The following RASAL2 variants were observed in gnomAD, a reference collection of about 807,000 sequenced individuals.
RASAL2 encodes the protein ras GTPase-activating protein nGAP.
Under a neutral mutation model 128.9 loss-of-function variants are expected in RASAL2, and 58 were observed. That is an observed-to-expected ratio of 0.45 (90% CI 0.36 to 0.56). The LOEUF (loss-of-function observed/expected upper bound fraction) is 0.56, where lower values mean the gene tolerates loss of function less well. Among genes scored for constraint, RASAL2 ranks in the 20% least tolerant of loss-of-function variants. The pLI is 0.00. For synonymous variants in RASAL2, 561 were observed against 580.8 expected (o/e 0.97, Z 0.49); for missense variants, 1,360 against 1,601.6 (o/e 0.85, Z 2.57).
At chr1:178,267,605 C>G (rs555638660) in intron 1 of RASAL2, among the ~76,000 whole-genome samples, 2 of 145,464 alleles carry the variant, frequency 1.4e-5, no homozygotes, top group Non-Finnish European at 3.0e-5. Context: ...TACCAGGTAA[C>G]GTATCAGATC....
chr1:178,457,501 A>G (rs1047667564), intron 13 of RASAL2, among the ~76,000 whole-genome samples, 182 bp from the exon 14 acceptor site: 1 of 152,242 alleles, frequency 6.6e-6, no homozygotes, highest in African/African-American at 2.4e-5. Flanking sequence ...GGGAAAAAGT[A>G]AAAATGCTGG....
chr1:178,373,478 C>T (rs1671834539), intron 3 of RASAL2, among the ~76,000 whole-genome samples: 1 of 151,752 alleles, frequency 6.6e-6, no homozygotes, highest in Non-Finnish European at 1.5e-5. Context: ...CCATTCCCCT[C>T]CCCTGACACA....
intron 1 of RASAL2, among the ~76,000 whole-genome samples, chr1:178,261,913 CAAA>C (rs35870834): frequency 2.4e-5 from 2 of 84,524 alleles, no homozygotes; most frequent in African/African-American, 4.8e-5. Flanking sequence ...GAGACTGTCT[CAAA>C]AAAAAAAAAA....
Position 178,417,758 on chromosome 1 carries a change from T to TAAAA in RASAL2, c.565-2734_565-2731dup, listed in dbSNP as rs35109719. Among the ~76,000 whole-genome samples the TAAAA allele has an allele frequency of 1.6e-4, 11 of 67,874 alleles. No homozygotes were observed. In the East Asian group the frequency reaches 2.7e-3, roughly 17 times the overall value. The allele number at this position is 67,874 out of a possible 152,430, so 44.5% of individuals were successfully genotyped here. Reference sequence around the variant, plus strand: ...TGGGCAACAAGAGTGAAACTCCGTCTAAAAAAAAAAAAAAAAAAAAAAGTG... The same window carrying TAAAA: ...TGGGCAACAAGAGTGAAACTCCGTCTAAAAAAAAAAAAAAAAAAAAAAAAAAGTG... On this transcript the variant is annotated intron_variant, in intron 4 of 17. Transcript: ENST00000367649.
chr1:178,217,068 C>T lies in RASAL2; in HGVS notation c.203-66496C>T, dbSNP rs190510985. Among the ~76,000 whole-genome samples, 407 of 152,062 alleles carry T rather than the reference C, an allele frequency of 2.7e-3. 7 individuals are homozygous for T. Among genetic ancestry groups the T allele is most frequent in the Non-Finnish European group, 4.7e-4 (32 of 67,982 alleles). On this transcript the variant is annotated intron_variant, in intron 1 of 17. Coordinates refer to ENST00000367649, the MANE Select transcript of RASAL2 (RefSeq NM_170692.4). ...TCGGCTCACTGCAACCTCCACCTCC[C>T]GGGTTCAAACAGTTCTCCTGCCTCA...
chr1:178,335,762 A>G (rs1158014693), intron 3 of RASAL2, among the ~76,000 whole-genome samples: 1 of 152,208 alleles, frequency 6.6e-6, no homozygotes, highest in African/African-American at 2.4e-5. Flanking sequence ...AATTCAGTAC[A>G]TCGTTCCAAT....
At chr1:178,125,047 T>C (rs1284917725) in intron 1 of RASAL2, among the ~76,000 whole-genome samples, 1 of 152,160 alleles carries the variant, frequency 6.6e-6, no homozygotes, top group Non-Finnish European at 1.5e-5. Context: ...TTCTTACAAA[T>C]TGGCAGAAAT....
chr1:178,136,222 G>A (rs576291369), intron 1 of RASAL2, among the ~76,000 whole-genome samples: 1 of 152,132 alleles, frequency 6.6e-6, no homozygotes, highest in Non-Finnish European at 1.5e-5. Flanking sequence ...TTTCCTTCTG[G>A]TAAGATAGTT....
At chr1:178,199,963 C>A (rs1041816071) in intron 1 of RASAL2, among the ~76,000 whole-genome samples, 1 of 152,178 alleles carries the variant, frequency 6.6e-6, no homozygotes, top group Non-Finnish European at 1.5e-5. Flanking sequence ...ACATCTTTCT[C>A]CCATGCTGGA....
chr1:178,203,689 T>G (rs1206111590), intron 1 of RASAL2, among the ~76,000 whole-genome samples: 1 of 152,234 alleles, frequency 6.6e-6, no homozygotes, highest in Non-Finnish European at 1.5e-5. Context: ...CTGGACACTT[T>G]GGGCTCCTCC....
intron 1 of RASAL2, among the ~76,000 whole-genome samples, chr1:178,118,162 T>TA (rs1224244846): frequency 7.2e-4 from 101 of 140,588 alleles, no homozygotes; most frequent in South Asian, 1.6e-3. Context: ...AGACTCTGTT[T>TA]AAAAAAAAAA....
At chr1:178,176,254 C>A (rs967567223) in intron 1 of RASAL2, among the ~76,000 whole-genome samples, 2 of 151,984 alleles carry the variant, frequency 1.3e-5, no homozygotes, top group Admixed American at 1.3e-4. Flanking sequence ...GCCATTCTTG[C>A]GTGGCCATTA....
chr1:178,464,428 C>T lies in RASAL2; in HGVS notation c.3387+16C>T. The T allele has an allele frequency of 6.2e-7, 1 of 1,608,960 alleles. No individual in the cohort carries two copies. Among genetic ancestry groups the T allele is most frequent in the Non-Finnish European group, 8.5e-7 (1 of 1,177,850 alleles). ...TGCTGAGAAGGTAGAACCTAGTCTG[C>T]TTCATCAACTTTCTGATCCCAAAAT... On this transcript the variant is annotated intron_variant, in intron 15 of 17. Transcript: ENST00000367649.
intron 1 of RASAL2, among the ~76,000 whole-genome samples, chr1:178,187,180 A>G (rs1434069326): frequency 1.3e-5 from 2 of 151,786 alleles, no homozygotes; most frequent in Admixed American, 6.6e-5. Context: ...TTCACCAGGG[A>G]TTCCTTGATA....
intron 1 of RASAL2, among the ~76,000 whole-genome samples, chr1:178,145,554 C>CA (rs10645696): frequency 0.052 from 6,382 of 123,826 alleles, 591 homozygotes; most frequent in African/African-American, 0.17. Context: ...GTGACTTTGA[C>CA]AAAAAAAAAA....
At chr1:178,203,923 G>T (rs926634467) in intron 1 of RASAL2, among the ~76,000 whole-genome samples, 1 of 152,158 alleles carries the variant, frequency 6.6e-6, no homozygotes, top group Non-Finnish European at 1.5e-5. Flanking sequence ...AAATGGCCCA[G>T]ACTCTTCAGG....
At position 178,105,204 on chromosome 1, in the gene RASAL2, G is replaced by T. The variant is rs74128845; in HGVS notation, c.202+10510G>T. ...AGCCAAATCCAAGTAATGGCAACAA[G>T]AACTAATATTAATGATTAAAGTAAT... is the stretch of plus-strand genomic sequence containing the variant. On this transcript the variant is annotated intron_variant, in intron 1 of 17. Coordinates refer to ENST00000367649, the MANE Select transcript of RASAL2 (RefSeq NM_170692.4). 2.6e-3 allele frequency among the ~76,000 whole-genome samples: 393 copies of T among 152,174 alleles called. 5 individuals carry two copies. The highest frequency in any genetic ancestry group is 9.2e-3 in the African/African-American group (381 of 41,532).
intron 1 of RASAL2, among the ~76,000 whole-genome samples, chr1:178,114,026 C>T (rs1338618772): frequency 1.3e-5 from 2 of 151,236 alleles, no homozygotes; most frequent in Non-Finnish European, 2.9e-5. Context: ...TATCTTGTAC[C>T]CTGCAACCTT....
Position 178,342,479 on chromosome 1 carries a change from A to G in RASAL2, c.457+42361A>G, listed in dbSNP as rs957325691. 2.1e-4 allele frequency among the ~76,000 whole-genome samples: 32 copies of G among 152,216 alleles called. 1 individual carries two copies. Among genetic ancestry groups the G allele is most frequent in the Non-Finnish European group, 3.1e-4 (21 of 68,022 alleles). On this transcript the variant is annotated intron_variant, in intron 3 of 17. Transcript: ENST00000367649. ...CATCATAAACCTAGATTGAAATCTT[A>G]TGGAGAGGAGGTATTGAGAAATGGA...
Sources: allele counts gnomAD v4.1 joint callset (sites outside exome capture counted in the v4.1 genomes callset), GRCh38; gene constraint gnomAD v4.1.1; transcripts MANE v1.5; gene names NCBI Gene and HGNC (gene_info 2026-07-23, HGNC 2026-07-21).